The following CFDP1 variants were observed in gnomAD, a reference collection of about 807,000 sequenced individuals.
The protein encoded by CFDP1 is chromatin remodeling protein CFDP1, also known as heterochromatin-stabilizing protein CFDP1.
CFDP1 carries 31 observed loss-of-function variants against 40.1 expected under a neutral mutation model. The observed-to-expected ratio is 0.77, with a 90% confidence interval of 0.58 to 1.04. The LOEUF (loss-of-function observed/expected upper bound fraction) is 1.04. CFDP1 is among the 50% of genes least tolerant of loss of function. CFDP1 has a pLI of 0.00. For missense variants in CFDP1, 423 were observed against 343.4 expected (o/e 1.23, Z -1.83); for synonymous variants, 167 against 120.0 (o/e 1.39, Z -2.56).
chr16:75,411,707 G>A (rs1109341), intron 4 of CFDP1, 118 bp downstream of exon 4: 594,873 of 1,066,794 alleles, frequency 0.56, 168,516 homozygotes, highest in Admixed American at 0.66. Flanking sequence ...TTGAGTTCAA[G>A]TATAACTCTC....
At chr16:75,400,076 G>A (rs1484971831) in intron 4 of CFDP1, among the ~76,000 whole-genome samples, 1 of 147,318 alleles carries the variant, frequency 6.8e-6, no homozygotes, top group Admixed American at 6.8e-5. Flanking sequence ...ACTCCAGCCT[G>A]GGCAACAAGA....
At chr16:75,316,461 T>C (rs1178726926) in intron 5 of CFDP1, among the ~76,000 whole-genome samples, 1 of 151,612 alleles carries the variant, frequency 6.6e-6, no homozygotes, top group Non-Finnish European at 1.5e-5. Flanking sequence ...TTCAAGCACT[T>C]TGGGAGGCCA....
rs1426323983 is a variant in CFDP1 at position 75,341,164 on chromosome 16, G to C, written c.651-35982C>G. On this transcript the variant is annotated intron_variant, in intron 5 of 6. Transcript: ENST00000283882. The stretch of plus-strand genomic sequence containing the variant: ...TAATGATGCTATGTGCATCTCATTG[G>C]GTCTTCCTGACAAGGCACCAGTTTT... 2.0e-5 allele frequency among the ~76,000 whole-genome samples: 3 copies of C among 152,004 alleles called. No homozygotes were observed. The East Asian group carries it at 5.8e-4, about 29-fold the overall frequency.
chr16:75,358,195 C>T (rs971225392), intron 5 of CFDP1, among the ~76,000 whole-genome samples: 16 of 152,154 alleles, frequency 1.1e-4, no homozygotes, highest in African/African-American at 3.9e-4. Flanking sequence ...CAAAATAGGA[C>T]AGAGACATGA....
chr16:75,399,974 G>A (rs2079034987), intron 4 of CFDP1, among the ~76,000 whole-genome samples: 1 of 151,670 alleles, frequency 6.6e-6, no homozygotes, highest in Non-Finnish European at 1.5e-5. Context: ...GGTGGCACAT[G>A]CCTGTAATCC....
intron 5 of CFDP1, among the ~76,000 whole-genome samples, chr16:75,342,805 G>C (rs1353881483): frequency 1.3e-5 from 2 of 152,330 alleles, no homozygotes; most frequent in South Asian, 4.1e-4. Context: ...ATTTGGTACA[G>C]TCTGGAGAAA....
intron 5 of CFDP1, among the ~76,000 whole-genome samples, chr16:75,315,746 A>T (rs1440745234): frequency 6.6e-6 from 1 of 152,152 alleles, no homozygotes; most frequent in Non-Finnish European, 1.5e-5. Flanking sequence ...TCACCTCTAC[A>T]TACCTTTAGC....
rs547581307 is a variant in CFDP1, at chr16:75,379,401, C to T, written c.650+15689G>A. ...TATCGGAGGTAATGAAATGGGATAT[C>T]ACTACAAGTATCAAAAGGATAAGAG... On this transcript the variant is annotated intron_variant, in intron 5 of 6. Coordinates refer to ENST00000283882, the MANE Select transcript of CFDP1 (RefSeq NM_006324.3). 2.0e-5 allele frequency among the ~76,000 whole-genome samples: 3 copies of T among 151,448 alleles called. No homozygotes were observed. In the South Asian group the frequency reaches 6.3e-4, roughly 32 times the overall value.
chr16:75,404,596 A>G (rs760699958), intron 4 of CFDP1, among the ~76,000 whole-genome samples: 8 of 152,112 alleles, frequency 5.3e-5, no homozygotes, highest in Non-Finnish European at 1.2e-4. Context: ...GATGAGAAGC[A>G]CCATCAATGT....
intron 5 of CFDP1, among the ~76,000 whole-genome samples, chr16:75,376,973 A>G (rs923029324): frequency 2.0e-5 from 3 of 152,256 alleles, no homozygotes; most frequent in Admixed American, 1.3e-4. Context: ...TGCTACTCTC[A>G]GCACAATGCC....
chr16:75,345,766 C>T (rs959830467), intron 5 of CFDP1, among the ~76,000 whole-genome samples: 2 of 152,144 alleles, frequency 1.3e-5, no homozygotes, highest in African/African-American at 4.8e-5. Flanking sequence ...TTACTGTGAT[C>T]AGTTAGACCA....
intron 5 of CFDP1, among the ~76,000 whole-genome samples, chr16:75,328,144 A>ATTTT (rs1262815642): frequency 5.5e-5 from 7 of 127,634 alleles, no homozygotes; most frequent in African/African-American, 1.7e-4. Context: ...TTGGTACTTG[A>ATTTT]TTTTTTTTTT....
At chr16:75,383,817 TA>T (rs35216321) in intron 5 of CFDP1, among the ~76,000 whole-genome samples, 192 of 127,366 alleles carry the variant, frequency 1.5e-3, no homozygotes, top group African/African-American at 3.9e-3. Context: ...GACTCCGTCT[TA>T]AAAAAAAAAA....
At chr16:75,313,186 A>G (rs573771431) in intron 5 of CFDP1, among the ~76,000 whole-genome samples, 4 of 152,270 alleles carry the variant, frequency 2.6e-5, no homozygotes, top group East Asian at 1.9e-4. Context: ...TCTACGTTTG[A>G]TAAGTGTTAG....
intron 5 of CFDP1, among the ~76,000 whole-genome samples, chr16:75,349,670 A>AG (rs2078595313): frequency 1.2e-4 from 1 of 8,200 alleles, no homozygotes; most frequent in African/African-American, 3.8e-4. Context: ...AAAAAAAAAA[A>AG]AAAAAAAAAA....
intron 6 of CFDP1, among the ~76,000 whole-genome samples, chr16:75,299,543 T>C (rs1032918016): frequency 1.3e-5 from 2 of 150,738 alleles, no homozygotes; most frequent in Non-Finnish European, 3.0e-5. Context: ...TGCAGTGAGC[T>C]GAGATCGCGC....
intron 5 of CFDP1, among the ~76,000 whole-genome samples, chr16:75,312,008 T>C (rs548133212): frequency 1.3e-5 from 2 of 152,212 alleles, no homozygotes; most frequent in African/African-American, 4.8e-5. Context: ...AGCAAGCTTA[T>C]GAAGATAATT....
intron 5 of CFDP1, among the ~76,000 whole-genome samples, chr16:75,371,683 T>C (rs1235195539): frequency 6.6e-6 from 1 of 152,194 alleles, no homozygotes; most frequent in Non-Finnish European, 1.5e-5. Flanking sequence ...CTCAAGTGTT[T>C]TGTTACATAT....
intron 6 of CFDP1, among the ~76,000 whole-genome samples, chr16:75,300,669 G>A (rs1161253548): frequency 6.6e-6 from 1 of 152,216 alleles, no homozygotes; most frequent in Non-Finnish European, 1.5e-5. Flanking sequence ...TGTTTATGGA[G>A]GGAAAGCAAG....
Sources: allele counts gnomAD v4.1 joint callset (sites outside exome capture counted in the v4.1 genomes callset), GRCh38; gene constraint gnomAD v4.1.1; transcripts MANE v1.5; gene names NCBI Gene and HGNC (gene_info 2026-07-23, HGNC 2026-07-21).